FOXK1: variants seen among roughly 807,000 people sequenced by gnomAD.
FOXK1 encodes the protein forkhead box protein K1.
Under a neutral mutation model 51.9 loss-of-function variants are expected in FOXK1, and 19 were observed. That is an observed-to-expected ratio of 0.37 (90% confidence interval 0.26 to 0.54). The LOEUF is 0.54. Among genes scored for constraint, FOXK1 ranks in the 20% least tolerant of loss-of-function variants. The probability of loss-of-function intolerance (pLI) is 0.87; values close to 1 mark genes in which losing one functional copy is unlikely to be tolerated. For missense variants in FOXK1, 870 were observed against 1,032.7 expected (o/e 0.84, Z 2.16); for synonymous variants, 537 against 482.6 (o/e 1.11, Z -1.48).
chr7:4,714,930 G>A (rs766002337), intron 1 of FOXK1, among the ~76,000 whole-genome samples: 4 of 152,176 alleles, frequency 2.6e-5, no homozygotes, highest in Non-Finnish European at 5.9e-5. Context: ...GGAAGTCTGC[G>A]TGCACGTGGA....
rs1357858987 is a variant in FOXK1 at position 4,723,622 on chromosome 7, GT to G, written c.561-17214del. 1.3e-5 allele frequency among the ~76,000 whole-genome samples: 2 copies of G among 152,178 alleles called. No individual in the cohort carries two copies. Among genetic ancestry groups the G allele is most frequent in the African/African-American group, 4.8e-5 (2 of 41,440 alleles). On this transcript the variant is annotated intron_variant, in intron 1 of 8. Transcript: ENST00000328914. The surrounding 1 kb of genome is among the most constrained non-coding windows in gnomAD (Gnocchi z 4.7). ...CACGGCACAGGACCGAGCGTGGAGAGTTGCAGCAGTGCAGGAAGCTTTTCCT... is the reference window on the plus strand; with the variant it reads ...CACGGCACAGGACCGAGCGTGGAGAGTGCAGCAGTGCAGGAAGCTTTTCCT...
chr7:4,754,426 C>A (rs1335287673), intron 2 of FOXK1, 33 bp from the exon 3 acceptor site: 1 of 1,605,098 alleles, frequency 6.2e-7, no homozygotes, highest in Admixed American at 1.7e-5. Context: ...CTCTTCAGAG[C>A]CATGAACTTA....
At chr7:4,691,139 C>G (rs949449169) in intron 1 of FOXK1, among the ~76,000 whole-genome samples, 2 of 152,130 alleles carry the variant, frequency 1.3e-5, no homozygotes, top group Admixed American at 6.6e-5. Context: ...TGCCAGGAAT[C>G]GGAGGAACCA....
chr7:4,762,146 C>G lies in FOXK1; in HGVS notation c.1922-38C>G. ...CTTGAAAAAAGCAGCTGGGTCCTAA[C>G]CAGACCCCAGAGTAACCCTCTTCTT... On this transcript the variant is annotated intron_variant, in intron 8 of 8. Transcript: ENST00000328914. The surrounding 1 kb of genome is among the most constrained non-coding windows in gnomAD (Gnocchi z 5.7). 1 of 1,527,680 alleles carries G rather than the reference C, an allele frequency of 6.5e-7. No individual in the cohort carries two copies. The allele number at this position is 1,527,680 out of a possible 1,614,324, so 94.6% of individuals were successfully genotyped here. A position where few individuals can be genotyped will look rare whatever the true frequency, so the allele number is the denominator to read the frequency against.
At chr7:4,726,752 A>T (rs6944865) in intron 1 of FOXK1, among the ~76,000 whole-genome samples, 100,825 of 152,074 alleles carry the variant, frequency 0.66, 35,711 homozygotes, top group African/African-American at 0.9. Flanking sequence ...TGCCCTCAAG[A>T]CTTCTCTTTT....
At chr7:4,737,572 G>GTGTGTGTGTGTGCATT (rs1038024447) in intron 1 of FOXK1, among the ~76,000 whole-genome samples, 1 of 152,016 alleles carries the variant, frequency 6.6e-6, no homozygotes, top group Admixed American at 6.6e-5. Flanking sequence ...GTGTGTGTGT[G>GTGTGTGTGTGTGCATT]TGCATGCATG....
At chr7:4,740,470 G>C (rs1182707385) in intron 1 of FOXK1, among the ~76,000 whole-genome samples, 3 of 151,602 alleles carry the variant, frequency 2.0e-5, no homozygotes, top group African/African-American at 7.3e-5. Flanking sequence ...AATTAGCCGG[G>C]CGTGGTGGTG....
In FOXK1 at chr7:4,745,336, T is replaced by G. The variant is rs976899997; in HGVS notation, c.746+4313T>G. Reference sequence around the variant, plus strand: ...GAGTCGGGAGTGGCTTGGGAGCGGCTTTTTCCTGGGGGAGCCTCCCTGATC... The same window carrying G: ...GAGTCGGGAGTGGCTTGGGAGCGGCGTTTTCCTGGGGGAGCCTCCCTGATC... On this transcript the variant is annotated intron_variant, in intron 2 of 8. Transcript: ENST00000328914. The surrounding 1 kb of genome is among the most constrained non-coding windows in gnomAD (Gnocchi z 4.3). 1.1e-4 allele frequency among the ~76,000 whole-genome samples: 17 copies of G among 151,884 alleles called. No homozygotes were observed. Among genetic ancestry groups the G allele is most frequent in the African/African-American group, 3.4e-4 (14 of 41,334 alleles).
chr7:4,694,888 C>A (rs1003369582), intron 1 of FOXK1, among the ~76,000 whole-genome samples: 6 of 152,242 alleles, frequency 3.9e-5, no homozygotes. Flanking sequence ...CCCAGAAATA[C>A]ACCCTCCCAT....
In FOXK1 at chr7:4,715,427, A is replaced by G. The variant is rs1251991543; in HGVS notation, c.561-25411A>G. ...GGTGGTCCAGATCGTCTGTGCACCC[A>G]TCCTTGCCCTGCCTCCCTCCTTCTA... On this transcript the variant is annotated intron_variant, in intron 1 of 8. Coordinates refer to ENST00000328914, the MANE Select transcript of FOXK1 (RefSeq NM_001037165.2). The surrounding 1 kb of genome is among the most constrained non-coding windows in gnomAD (Gnocchi z 4.5). Among the ~76,000 whole-genome samples the G allele has an allele frequency of 1.3e-5, 2 of 152,014 alleles. No individual in the cohort carries two copies. Among genetic ancestry groups the G allele is most frequent in the Non-Finnish European group, 2.9e-5 (2 of 68,008 alleles).
rs1025069365 is a variant in FOXK1, at chr7:4,768,527, C to G, written c.*6063C>G. 1 of 152,532 alleles carries G rather than the reference C, an allele frequency of 6.6e-6. No homozygotes were observed. Among genetic ancestry groups the G allele is most frequent in the African/African-American group, 2.4e-5 (1 of 41,464 alleles). 9.4% of individuals were successfully genotyped at this position (152,532 alleles called of 1,614,324 possible). A position where few individuals can be genotyped will look rare whatever the true frequency, so the allele number is the denominator to read the frequency against. On this transcript the variant is annotated 3_prime_UTR_variant, in exon 9 of 9. Transcript: ENST00000328914. ...CTCTGCTGGGCTTTTCCGGCCCCGT[C>G]CCAGCTCCTCCTCAGGCAGAGGCTG... is the stretch of plus-strand genomic sequence containing the variant.
chr7:4,754,641 G>T, intron 3 of FOXK1, 26 bp downstream of exon 3: 2 of 1,594,614 alleles, frequency 1.3e-6, no homozygotes, highest in Non-Finnish European at 1.7e-6. Flanking sequence ...GCGCCGTGGT[G>T]CACCTGGTGA....
chr7:4,754,712 G>A (rs1386075827), intron 3 of FOXK1, 97 bp downstream of exon 3: 49 of 1,413,264 alleles, frequency 3.5e-5, no homozygotes, highest in South Asian at 1.2e-4. Context: ...GCCTGCGGGC[G>A]TGTGCTCGAG....
rs1428434161 is a variant in FOXK1 at position 4,730,254 on chromosome 7, C to A, written c.561-10584C>A. On this transcript the variant is annotated intron_variant, in intron 1 of 8. Transcript: ENST00000328914. The surrounding 1 kb of genome is among the most constrained non-coding windows in gnomAD (Gnocchi z 4.7). Reference sequence around the variant, plus strand: ...GGTTTTAATTCACACACACCACGCACACCCCCACATTGTTGTCACTGCGAG... The same window carrying A: ...GGTTTTAATTCACACACACCACGCAAACCCCCACATTGTTGTCACTGCGAG... Among the ~76,000 whole-genome samples the A allele has an allele frequency of 2.0e-5, 3 of 152,222 alleles. No homozygotes were observed. Among genetic ancestry groups the A allele is most frequent in the African/African-American group, 7.2e-5 (3 of 41,460 alleles).
Position 4,747,894 on chromosome 7 carries a change from G to A in FOXK1, c.747-6565G>A, listed in dbSNP as rs369153040. Among the ~76,000 whole-genome samples, 94 of 151,712 alleles carry A rather than the reference G, an allele frequency of 6.2e-4. No individual in the cohort carries two copies. The highest frequency in any genetic ancestry group is 6.3e-4 in the Non-Finnish European group (43 of 67,996). On this transcript the variant is annotated intron_variant, in intron 2 of 8. Coordinates refer to ENST00000328914, the MANE Select transcript of FOXK1 (RefSeq NM_001037165.2). This position sits in a 1 kb window ranked among gnomAD's most constrained non-coding sequence, Gnocchi z 9.2. Reference sequence around the variant, plus strand: ...AGGGTCTTGTTCTGACACCCAGGCCGGAGTGCAGTGGTCCGGTCACGGCTC... The same window carrying A: ...AGGGTCTTGTTCTGACACCCAGGCCAGAGTGCAGTGGTCCGGTCACGGCTC...
chr7:4,702,060 G>GC (rs989009846), intron 1 of FOXK1, among the ~76,000 whole-genome samples: 29 of 152,200 alleles, frequency 1.9e-4, no homozygotes, highest in Middle Eastern at 3.4e-3. Flanking sequence ...AGGCAACAGA[G>GC]CAAGACCCTG....
Position 4,710,349 on chromosome 7 carries a change from C to T in FOXK1, c.560+27481C>T, listed in dbSNP as rs371242446. ...TTGCTTGAGCCCAGGAGTTTGCAGG[C>T]GGATCACCTGAGGTCAGGAGTTCAA... On this transcript the variant is annotated intron_variant, in intron 1 of 8. Coordinates refer to ENST00000328914, the MANE Select transcript of FOXK1 (RefSeq NM_001037165.2). Among the ~76,000 whole-genome samples, 30 of 152,212 alleles carry T rather than the reference C, an allele frequency of 2.0e-4. No homozygotes were observed. The East Asian group carries it at 2.3e-3, about 12-fold the overall frequency.
chr7:4,746,854 C>G (rs1052444382), intron 2 of FOXK1, among the ~76,000 whole-genome samples: 3 of 152,198 alleles, frequency 2.0e-5, no homozygotes, highest in African/African-American at 7.2e-5. Context: ...AGTGAGGGTC[C>G]CTCTTCCCTT....
rs112591823 is a variant in FOXK1 at position 4,733,179 on chromosome 7, CT to C, written c.561-7648del. On this transcript the variant is annotated intron_variant, in intron 1 of 8. Coordinates refer to ENST00000328914, the MANE Select transcript of FOXK1 (RefSeq NM_001037165.2). This position sits in a 1 kb window ranked among gnomAD's most constrained non-coding sequence, Gnocchi z 5.0. ...GTTTGTTTCTTTTATACGTGACGGT[CT>C]TTTTTTTTTTAATTTTATTATTTTT... Among the ~76,000 whole-genome samples, 774 of 147,192 alleles carry C rather than the reference CT, an allele frequency of 5.3e-3. 9 individuals are homozygous for C. Among genetic ancestry groups the C allele is most frequent in the African/African-American group, 0.016 (644 of 40,412 alleles).
Sources: allele counts gnomAD v4.1 joint callset (sites outside exome capture counted in the v4.1 genomes callset), GRCh38; gene constraint gnomAD v4.1.1; non-coding constraint Gnocchi (gnomAD v3.1); transcripts MANE v1.5; gene names NCBI Gene and HGNC (gene_info 2026-07-23, HGNC 2026-07-21).